KDM4C: variants seen among roughly 807,000 people sequenced by gnomAD.
KDM4C encodes lysine demethylase 4C.
A neutral mutation model predicts 129.3 loss-of-function variants in KDM4C; 81 were observed. That is an observed-to-expected ratio of 0.63 (90% CI 0.52 to 0.75). The LOEUF (loss-of-function observed/expected upper bound fraction) is 0.75, where lower values mean the gene tolerates loss of function less well. Ranked by LOEUF, KDM4C falls within the 30% of genes least tolerant of loss-of-function variation. KDM4C has a pLI of 0.00. For synonymous variants in KDM4C, 573 were observed against 456.1 expected (o/e 1.26, Z -3.26); for missense variants, 1,457 against 1,304.0 (o/e 1.12, Z -1.81).
intron 5 of KDM4C, among the ~76,000 whole-genome samples, chr9:6,858,779 CA>C (rs74638217): frequency 1.3e-3 from 180 of 134,274 alleles, no homozygotes; most frequent in Admixed American, 2.2e-3. Context: ...CCCCCCCCGG[CA>C]AAAAAAAAAA....
At chr9:6,765,389 C>T (rs1207440231) in intron 1 of KDM4C, among the ~76,000 whole-genome samples, 17 of 152,128 alleles carry the variant, frequency 1.1e-4, no homozygotes, top group Admixed American at 1.1e-3. Context: ...TGACCTGTTA[C>T]TCATTTCTCT....
chr9:6,808,721 A>G (rs1830597028), intron 3 of KDM4C, among the ~76,000 whole-genome samples: 1 of 149,896 alleles, frequency 6.7e-6, no homozygotes, highest in Admixed American at 6.7e-5. Context: ...GAAGTGGCAC[A>G]CTGTTACATC....
chr9:6,920,878 T>C (rs1821379241), intron 8 of KDM4C, among the ~76,000 whole-genome samples: 1 of 152,132 alleles, frequency 6.6e-6, no homozygotes, highest in South Asian at 2.1e-4. Context: ...TGAGGTTTCT[T>C]CCCCTGCAGT....
At chr9:6,838,249 T>C (rs1490620184) in intron 4 of KDM4C, among the ~76,000 whole-genome samples, 1 of 152,202 alleles carries the variant, frequency 6.6e-6, no homozygotes, top group Non-Finnish European at 1.5e-5. Flanking sequence ...CAACTCAATA[T>C]TAGTGGTCCT....
chr9:6,880,268 A>G (rs1251712539), intron 6 of KDM4C, among the ~76,000 whole-genome samples: 4 of 152,046 alleles, frequency 2.6e-5, no homozygotes, highest in Admixed American at 6.5e-5. Flanking sequence ...TCCCTATTGC[A>G]TAATCGTCAT....
intron 19 of KDM4C, among the ~76,000 whole-genome samples, chr9:7,142,648 G>A (rs539492089): frequency 6.6e-6 from 1 of 152,324 alleles, no homozygotes; most frequent in East Asian, 1.9e-4. Flanking sequence ...TGTGTGGTTA[G>A]TGGTAATAAT....
chr9:7,062,189 C>T (rs757718109), intron 17 of KDM4C, among the ~76,000 whole-genome samples: 6 of 152,106 alleles, frequency 3.9e-5, no homozygotes, highest in Non-Finnish European at 7.4e-5. Context: ...AGGATGGTCT[C>T]GACCTCCTGA....
intron 1 of KDM4C, among the ~76,000 whole-genome samples, chr9:6,766,389 T>G (rs1281563394): frequency 2.0e-5 from 3 of 152,090 alleles, no homozygotes; most frequent in East Asian, 1.9e-4. Context: ...AAGTATTGAT[T>G]TGCTGTTTAC....
chr9:7,166,488 C>T lies in KDM4C; in HGVS notation c.2901+1131C>T, dbSNP rs958750339. Among the ~76,000 whole-genome samples the T allele has an allele frequency of 6.6e-4, 100 of 151,896 alleles. 2 individuals carry two copies. The highest frequency in any genetic ancestry group is 2.3e-3 in the African/African-American group (95 of 41,398). On this transcript the variant is annotated intron_variant, in intron 20 of 21. Coordinates refer to ENST00000381309, the MANE Select transcript of KDM4C (RefSeq NM_015061.6). Reference sequence around the variant, plus strand: ...TGTCTGTGTGTGTAAAGGCCATTTCCCCCTTTGCATATGGTATTGGTGACA... The same window carrying T: ...TGTCTGTGTGTGTAAAGGCCATTTCTCCCTTTGCATATGGTATTGGTGACA...
Position 6,786,545 on chromosome 9 carries a change from T to C in KDM4C, c.-17-6427T>C, listed in dbSNP as rs2130814541. Among the ~76,000 whole-genome samples, 2 of 152,302 alleles carry C rather than the reference T, an allele frequency of 1.3e-5. 1 individual carries two copies. Among genetic ancestry groups the C allele is most frequent in the South Asian group, 4.1e-4 (2 of 4,830 alleles). Reference sequence around the variant, plus strand: ...AGGGTAGCATTTAAAAAAATGATTATCACCTTCAGCTAAAAATCATAGTGG... The same window carrying C: ...AGGGTAGCATTTAAAAAAATGATTACCACCTTCAGCTAAAAATCATAGTGG... On this transcript the variant is annotated intron_variant, in intron 1 of 21. Coordinates refer to ENST00000381309, the MANE Select transcript of KDM4C (RefSeq NM_015061.6).
intron 8 of KDM4C, among the ~76,000 whole-genome samples, chr9:6,975,219 G>C (rs957576025): frequency 6.6e-6 from 1 of 152,164 alleles, no homozygotes; most frequent in East Asian, 1.9e-4. Context: ...AGGAGGGAAA[G>C]AAACTTATTT....
intron 8 of KDM4C, among the ~76,000 whole-genome samples, chr9:6,926,494 A>C (rs893461657): frequency 4.6e-5 from 7 of 152,180 alleles, no homozygotes; most frequent in African/African-American, 1.7e-4. Context: ...TTAAAATTAT[A>C]TGATTGGCTT....
intron 1 of KDM4C, among the ~76,000 whole-genome samples, chr9:6,774,754 A>G (rs1822645228): frequency 6.6e-6 from 1 of 152,222 alleles, no homozygotes; most frequent in African/African-American, 2.4e-5. Flanking sequence ...AAGGTTTTAT[A>G]TGATACTTGG....
At chr9:6,810,103 T>C (rs1241451496) in intron 3 of KDM4C, among the ~76,000 whole-genome samples, 1 of 152,248 alleles carries the variant, frequency 6.6e-6, no homozygotes, top group Non-Finnish European at 1.5e-5. Flanking sequence ...AGCCTTGAAG[T>C]TCTTTCTTCT....
At chr9:6,856,201 A>T (rs1271180768) in intron 5 of KDM4C, among the ~76,000 whole-genome samples, 2 of 152,090 alleles carry the variant, frequency 1.3e-5, no homozygotes, top group Non-Finnish European at 2.9e-5. Flanking sequence ...AACATTAGGG[A>T]TTAGGCAGCT....
intron 8 of KDM4C, among the ~76,000 whole-genome samples, chr9:6,927,128 T>TATCTATC (rs1563826860): frequency 1.3e-5 from 2 of 151,502 alleles, no homozygotes; most frequent in African/African-American, 4.9e-5. Context: ...TCTATCTATC[T>TATCTATC]ATCTATCTAT....
chr9:6,941,076 G>A (rs751854331), intron 8 of KDM4C, among the ~76,000 whole-genome samples: 2 of 151,108 alleles, frequency 1.3e-5, no homozygotes, highest in Admixed American at 6.6e-5. Flanking sequence ...TGTCATCCAG[G>A]TTGGAGTGCA....
chr9:6,902,660 A>T (rs1045620778), intron 8 of KDM4C: 1 of 152,176 alleles, frequency 6.6e-6, no homozygotes, highest in African/African-American at 2.4e-5. Context: ...TTTTTATGTC[A>T]GGGAACTCCC....
At chr9:7,128,729 G>A (rs1267622636) in intron 19 of KDM4C, among the ~76,000 whole-genome samples, 2 of 152,166 alleles carry the variant, frequency 1.3e-5, no homozygotes, top group African/African-American at 4.8e-5. Context: ...GAAAGGCTGT[G>A]GCATTTAAGT....
Sources: gnomAD v4.1 joint callset for allele counts (sites outside exome capture counted in the v4.1 genomes callset) on GRCh38, gnomAD v4.1.1 for gene constraint, MANE v1.5 for transcripts, NCBI Gene and HGNC (gene_info 2026-07-23, HGNC 2026-07-21) for gene names.